Variants in BEAN1 observed in about 807,000 individuals in gnomAD.
BEAN1 encodes brain expressed associated with NEDD4 1.
BEAN1 carries 17 observed loss-of-function variants against 17.7 expected under a neutral mutation model. The ratio of observed to expected loss-of-function variants is 0.96; its 90% CI spans 0.66 to 1.44. The LOEUF is 1.44. BEAN1 is among the 40% of genes most tolerant of loss of function. BEAN1 has a pLI of 0.00. For missense variants in BEAN1, 359 were observed against 374.1 expected, an observed-to-expected ratio of 0.96 and a Z score of 0.33; for synonymous variants, 142 against 151.8, an observed-to-expected ratio of 0.94 and a Z score of 0.47.
chr16:66,475,222 A>G (rs8049854), intron 3 of BEAN1, among the ~76,000 whole-genome samples: 151,256 of 151,568 alleles, frequency 1, 75,477 homozygotes, highest in Middle Eastern at 1. Flanking sequence ...TGGCGGGTGC[A>G]GGTTTCTTTC....
rs1963470457 is a variant in BEAN1, at chr16:66,471,208, C to T, written c.289+1343C>T. ...GTTTGGGGTATTTCCTGTCCTTTTT[C>T]AGAGTTAACTGGTTAAGGAGGGGAC... On this transcript the variant is annotated intron_variant, in intron 3 of 4. Transcript: ENST00000536005. The surrounding 1 kb of genome is among the most constrained non-coding windows in gnomAD (Gnocchi z 4.7). Among the ~76,000 whole-genome samples the T allele has an allele frequency of 6.6e-6, 1 of 152,222 alleles. No individual in the cohort carries two copies. Among genetic ancestry groups the T allele is most frequent in the Non-Finnish European group, 1.5e-5 (1 of 68,026 alleles).
intron 1 of BEAN1, among the ~76,000 whole-genome samples, chr16:66,429,597 A>G (rs1961716912): frequency 6.6e-6 from 1 of 152,094 alleles, no homozygotes; most frequent in Admixed American, 6.5e-5. Flanking sequence ...CAGATGAGGA[A>G]ACATGTCCAC....
At chr16:66,459,539 T>G (rs1963003436) in intron 2 of BEAN1, among the ~76,000 whole-genome samples, 2 of 152,106 alleles carry the variant, frequency 1.3e-5, no homozygotes, top group Admixed American at 1.3e-4. Flanking sequence ...CAGGCTGATC[T>G]CAAACTCCTG....
intron 2 of BEAN1, among the ~76,000 whole-genome samples, chr16:66,453,323 GT>G (rs897885798): frequency 2.7e-5 from 4 of 150,198 alleles, no homozygotes; most frequent in South Asian, 2.1e-4. Context: ...ACTATGTTGT[GT>G]TTTTTTTCAT....
At chr16:66,477,508 A>G in intron 3 of BEAN1, 52 bp from the exon 4 acceptor site, 1 of 1,469,212 alleles carries the variant, frequency 6.8e-7, no homozygotes, top group Non-Finnish European at 9.0e-7. Flanking sequence ...ACCCATAAGG[A>G]CCATCCCTGG....
chr16:66,485,169 G>A (rs775524891), downstream of BEAN1: 5 of 450,286 alleles, frequency 1.1e-5, no homozygotes, highest in East Asian at 2.8e-4. Context: ...CACTGGCCAA[G>A]CCCACATGCA....
intron 2 of BEAN1, among the ~76,000 whole-genome samples, chr16:66,448,697 C>T (rs1467539384): frequency 1.3e-5 from 2 of 152,210 alleles, no homozygotes; most frequent in Admixed American, 1.3e-4. Context: ...GTGGCGGATG[C>T]CTGTAGTCCC....
At chr16:66,484,150 C>A, downstream of BEAN1, 1 of 195,936 alleles carries the variant, frequency 5.1e-6, no homozygotes, top group Non-Finnish European at 1.1e-5. The surrounding 1 kb of genome is among the most constrained non-coding windows in gnomAD (Gnocchi z 4.2). Context: ...CAAAGCCTGA[C>A]ACTTATGTCC....
At chr16:66,446,071 T>C (rs2142391944) in intron 2 of BEAN1, among the ~76,000 whole-genome samples, 1 of 152,136 alleles carries the variant, frequency 6.6e-6, no homozygotes, top group East Asian at 1.9e-4. Context: ...TAATCCCAGC[T>C]ACTCGGGAGG....
intron 2 of BEAN1, among the ~76,000 whole-genome samples, chr16:66,460,891 T>TA (rs1963056688): frequency 6.6e-6 from 1 of 152,206 alleles, no homozygotes; most frequent in African/African-American, 2.4e-5. Flanking sequence ...GCTGTTTCCT[T>TA]ACCTGTTAAC....
At chr16:66,457,597 C>CT (rs1962921667) in intron 2 of BEAN1, among the ~76,000 whole-genome samples, 1 of 152,184 alleles carries the variant, frequency 6.6e-6, no homozygotes, top group Non-Finnish European at 1.5e-5. Flanking sequence ...ACTCACCCCT[C>CT]TGTGTTCCTG....
intron 4 of BEAN1, among the ~76,000 whole-genome samples, chr16:66,489,213 C>T (rs1273871079): frequency 6.6e-6 from 1 of 151,998 alleles, no homozygotes; most frequent in Non-Finnish European, 1.5e-5. Context: ...ATAAATACTT[C>T]TTCTTTTAAA....
At chr16:66,458,994 G>A (rs1258043630) in intron 2 of BEAN1, among the ~76,000 whole-genome samples, 1 of 152,226 alleles carries the variant, frequency 6.6e-6, no homozygotes, top group African/African-American at 2.4e-5. Context: ...ATAATACCAC[G>A]GCTGTCTCTG....
chr16:66,455,669 C>T (rs1190668364), intron 2 of BEAN1, among the ~76,000 whole-genome samples: 1 of 150,370 alleles, frequency 6.7e-6, no homozygotes, highest in Non-Finnish European at 1.5e-5. Context: ...CCTGCAGCAA[C>T]ACGCTTATAA....
In BEAN1 at chr16:66,473,407, G is replaced by A. The variant is rs1394141982; in HGVS notation, c.289+3542G>A. Among the ~76,000 whole-genome samples, 1 of 152,170 alleles carries A rather than the reference G, an allele frequency of 6.6e-6. No homozygotes were observed. Among genetic ancestry groups the A allele is most frequent in the African/African-American group, 2.4e-5 (1 of 41,452 alleles). On this transcript the variant is annotated intron_variant, in intron 3 of 4. Transcript: ENST00000536005. This position sits in a 1 kb window ranked among gnomAD's most constrained non-coding sequence, Gnocchi z 4.5. ...CAGCTTTGACACCTCCTGGGGCCTC[G>A]GCAGGGAACCCAGAGGTGCTGTTGC...
intron 4 of BEAN1, among the ~76,000 whole-genome samples, chr16:66,492,171 A>G (rs1454770280): frequency 6.6e-6 from 1 of 151,890 alleles, no homozygotes; most frequent in Non-Finnish European, 1.5e-5. Flanking sequence ...CCCCCTGAGT[A>G]GCTGGGATTA....
intron 2 of BEAN1, among the ~76,000 whole-genome samples, chr16:66,461,182 C>A (rs2142415691): frequency 7.3e-6 from 1 of 136,770 alleles, no homozygotes; most frequent in African/African-American, 2.8e-5. Context: ...TACAGGGGGA[C>A]AGGGAGACCG....
chr16:66,447,060 A>G (rs1040740326), intron 2 of BEAN1, among the ~76,000 whole-genome samples: 12 of 152,172 alleles, frequency 7.9e-5, no homozygotes. Context: ...ACTTGAGCTC[A>G]AGAGTTTGAG....
At chr16:66,466,495 A>G (rs1310446811) in intron 2 of BEAN1, among the ~76,000 whole-genome samples, 1 of 152,140 alleles carries the variant, frequency 6.6e-6, no homozygotes, top group Admixed American at 6.5e-5. Context: ...CTCATTTTTA[A>G]TGTAGACATT....
Sources: gnomAD v4.1 joint callset for allele counts (sites outside exome capture counted in the v4.1 genomes callset) on GRCh38, gnomAD v4.1.1 for gene constraint, Gnocchi (gnomAD v3.1) non-coding constraint, MANE v1.5 for transcripts, NCBI Gene and HGNC (gene_info 2026-07-23, HGNC 2026-07-21) for gene names.